Variants in PXYLP1 observed in about 807,000 individuals in gnomAD.
PXYLP1 encodes 2-phosphoxylose phosphatase 1, also known as acid phosphatase-like 2.
Under a neutral mutation model 37.9 loss-of-function variants are expected in PXYLP1, and 17 were observed. The ratio of observed to expected loss-of-function variants is 0.45; its 90% CI spans 0.31 to 0.67. The LOEUF (loss-of-function observed/expected upper bound fraction) is 0.67. Among genes scored for constraint, PXYLP1 ranks in the 30% least tolerant of loss-of-function variants. The pLI, the probability that PXYLP1 is intolerant of heterozygous loss-of-function variation, is 0.07. For missense variants in PXYLP1, 511 were observed against 612.0 expected (o/e 0.84, Z 1.74); for synonymous variants, 221 against 232.2 (o/e 0.95, Z 0.44).
At chr3:141,262,275 C>G (rs1941409794) in intron 2 of PXYLP1, 21 of 992,556 alleles carry the variant, frequency 2.1e-5, no homozygotes, top group Non-Finnish European at 2.5e-5. Flanking sequence ...AGGTGGGCAT[C>G]AGAAGTTTAA....
chr3:141,240,844 A>G (rs985180604), intron 1 of PXYLP1, among the ~76,000 whole-genome samples: 1 of 152,186 alleles, frequency 6.6e-6, no homozygotes, highest in Non-Finnish European at 1.5e-5. Context: ...ACTGGGCCAG[A>G]TGACTCAGTA....
At chr3:141,249,178 A>G (rs951175580) in intron 1 of PXYLP1, among the ~76,000 whole-genome samples, 1 of 152,214 alleles carries the variant, frequency 6.6e-6, no homozygotes, top group African/African-American at 2.4e-5. Flanking sequence ...ATAACAAGCT[A>G]CAGGGCTCCT....
rs1941353566 is a variant in PXYLP1 at position 141,260,125 on chromosome 3, C to T, written c.-51C>T. 1 of 1,604,726 alleles carries T rather than the reference C, an allele frequency of 6.2e-7. No individual in the cohort carries two copies. The highest frequency in any genetic ancestry group is 8.5e-7 in the Non-Finnish European group (1 of 1,172,446). ...TATCACCTCTGCTTTATTCACAGGA[C>T]ATGTTCCCGATTTGAGGTGAAACCA... On this transcript the variant is annotated splice_region_variant and 5_prime_UTR_variant, in exon 2 of 6. Coordinates refer to ENST00000286353, the MANE Select transcript of PXYLP1 (RefSeq NM_001037172.3).
rs1360308374 is a variant in PXYLP1, at chr3:141,287,425, G to T, written c.477G>T (p.Leu159Phe). The change falls in exon 5 of 6, where the codon TTG becomes TTT. Residue 159 changes from leucine (L) to phenylalanine (F), a missense_variant. Coordinates refer to ENST00000286353, the MANE Select transcript of PXYLP1 (RefSeq NM_001037172.3). Reference protein sequence around the residue: ...NSLPLYPNHPLCEMGELTQTG... With the variant: ...NSLPLYPNHPFCEMGELTQTG... Reference sequence around the variant, plus strand: ...TGCCTCTTTACCCAAATCACCCATTGTGTGAGATGGGAGAGCTCACACAGA... The same window carrying T: ...TGCCTCTTTACCCAAATCACCCATTTTGTGAGATGGGAGAGCTCACACAGA... 1.2e-6 allele frequency: 2 copies of T among 1,614,000 alleles called. No homozygotes were observed. Among genetic ancestry groups the T allele is most frequent in the Admixed American group, 1.7e-5 (1 of 60,004 alleles).
At chr3:141,237,743 C>T (rs1391234310) in intron 1 of PXYLP1, among the ~76,000 whole-genome samples, 3 of 152,148 alleles carry the variant, frequency 2.0e-5, no homozygotes, top group Non-Finnish European at 4.4e-5. Flanking sequence ...GAACAGAGGA[C>T]ATTATATTTC....
intron 2 of PXYLP1, among the ~76,000 whole-genome samples, chr3:141,260,928 C>T (rs1413172778): frequency 6.6e-6 from 1 of 152,218 alleles, no homozygotes; most frequent in Non-Finnish European, 1.5e-5. Context: ...GGCCCCTTGC[C>T]CTCCTGTGGC....
chr3:141,267,833 C>T (rs1941555517), intron 2 of PXYLP1, among the ~76,000 whole-genome samples: 1 of 151,224 alleles, frequency 6.6e-6, no homozygotes, highest in African/African-American at 2.5e-5. Context: ...CTCCCTCCCT[C>T]CCTCTCTGTC....
At chr3:141,241,445 G>T (rs1257592024) in intron 1 of PXYLP1, among the ~76,000 whole-genome samples, 1 of 152,120 alleles carries the variant, frequency 6.6e-6, no homozygotes, top group African/African-American at 2.4e-5. Context: ...GAGTGGGAGG[G>T]GTAGGCTCTG....
intron 2 of PXYLP1, among the ~76,000 whole-genome samples, chr3:141,264,583 G>A (rs1454398535): frequency 6.6e-6 from 1 of 152,190 alleles, no homozygotes; most frequent in Non-Finnish European, 1.5e-5. Flanking sequence ...ATGGGCCCCA[G>A]GGAGCTCTTT....
chr3:141,277,627 C>T (rs1249838148), intron 2 of PXYLP1, among the ~76,000 whole-genome samples: 1 of 152,226 alleles, frequency 6.6e-6, no homozygotes, highest in African/African-American at 2.4e-5. Flanking sequence ...ACATGTCCAC[C>T]CCTGCCAGGG....
intron 2 of PXYLP1, among the ~76,000 whole-genome samples, chr3:141,263,659 C>G (rs1015549332): frequency 1.3e-5 from 2 of 152,218 alleles, no homozygotes; most frequent in African/African-American, 4.8e-5. Context: ...ATTTTATGCT[C>G]ATTTCTCCAT....
chr3:141,269,448 A>G (rs1452697366), intron 2 of PXYLP1, among the ~76,000 whole-genome samples: 1 of 151,144 alleles, frequency 6.6e-6, no homozygotes, highest in Admixed American at 6.6e-5. Context: ...TGACTATTTT[A>G]TGATGAACTC....
chr3:141,248,096 C>T (rs1279380157), intron 1 of PXYLP1, among the ~76,000 whole-genome samples: 10 of 147,242 alleles, frequency 6.8e-5, no homozygotes, highest in Non-Finnish European at 1.5e-4. Flanking sequence ...AATTTTGGCT[C>T]ACTGCAACCT....
rs1451380526 is a variant in PXYLP1, at chr3:141,293,925, T to G, written c.*720T>G. Reference sequence around the variant, plus strand: ...AGAACGAGTTGAATACCAAGAATTATTCAATGGTTCCTCCAGTAACTTCTG... The same window carrying G: ...AGAACGAGTTGAATACCAAGAATTAGTCAATGGTTCCTCCAGTAACTTCTG... On this transcript the variant is annotated 3_prime_UTR_variant, in exon 6 of 6. Transcript: ENST00000286353. 1 of 152,230 alleles carries G rather than the reference T, an allele frequency of 6.6e-6. No individual in the cohort carries two copies. Among genetic ancestry groups the G allele is most frequent in the African/African-American group, 2.4e-5 (1 of 41,458 alleles). The allele number at this position is 152,230 out of a possible 1,614,324, so 9.4% of individuals were successfully genotyped here. A position where few individuals can be genotyped will look rare whatever the true frequency, so the allele number is the denominator to read the frequency against.
intron 1 of PXYLP1, among the ~76,000 whole-genome samples, chr3:141,236,880 T>A (rs1256869722): frequency 1.3e-5 from 2 of 152,170 alleles, no homozygotes; most frequent in Non-Finnish European, 2.9e-5. Context: ...TAGATATAAA[T>A]ATGAACTATC....
At position 141,251,741 on chromosome 3, in the gene PXYLP1, C is replaced by A. The variant is rs544708596; in HGVS notation, c.-53-8382C>A. Among the ~76,000 whole-genome samples, 211 of 152,304 alleles carry A rather than the reference C, an allele frequency of 1.4e-3. 1 individual carries two copies. Among genetic ancestry groups the A allele is most frequent in the African/African-American group, 4.9e-3 (203 of 41,556 alleles). On this transcript the variant is annotated intron_variant, in intron 1 of 5. Coordinates refer to ENST00000286353, the MANE Select transcript of PXYLP1 (RefSeq NM_001037172.3). ...CCTCGGACCTGCCCTGGCCTCTCTT[C>A]AGGTAAATGAAGGGGTTTGAACCAA...
chr3:141,288,917 A>G (rs1942137643), intron 5 of PXYLP1, among the ~76,000 whole-genome samples: 2 of 152,236 alleles, frequency 1.3e-5, no homozygotes, highest in Admixed American at 1.3e-4. Context: ...GAATGAATGA[A>G]TGTAATCTTT....
chr3:141,287,493 G>A (rs775537341), intron 5 of PXYLP1, 40 bp downstream of exon 5: 9 of 1,598,076 alleles, frequency 5.6e-6, no homozygotes, highest in South Asian at 4.5e-5. Flanking sequence ...TCCCCCACCC[G>A]CTCTTCTGCT....
intron 2 of PXYLP1, among the ~76,000 whole-genome samples, chr3:141,275,388 C>T (rs1308929710): frequency 6.6e-6 from 1 of 152,236 alleles, no homozygotes; most frequent in Non-Finnish European, 1.5e-5. Context: ...ACTGTCCTCA[C>T]CTGTGCCCCT....
Sources: gnomAD v4.1 joint callset for allele counts (sites outside exome capture counted in the v4.1 genomes callset) on GRCh38, gnomAD v4.1.1 for gene constraint, MANE v1.5 for transcripts, NCBI Gene and HGNC (gene_info 2026-07-23, HGNC 2026-07-21) for gene names.